Variants in CSMD1 observed in about 807,000 individuals in gnomAD.
The protein encoded by CSMD1 is CUB and sushi domain-containing protein 1.
Under a neutral mutation model 417.5 loss-of-function variants are expected in CSMD1, and 213 were observed. The ratio of observed to expected loss-of-function variants is 0.51; its 90% CI spans 0.46 to 0.57. The LOEUF (loss-of-function observed/expected upper bound fraction) is 0.57, where lower values mean the gene tolerates loss of function less well. Ranked by LOEUF, CSMD1 falls within the 20% of genes least tolerant of loss-of-function variation. The pLI, the probability that CSMD1 is intolerant of heterozygous loss-of-function variation, is 0.00. For synonymous variants in CSMD1, 2,862 were observed against 1,736.8 expected (o/e 1.65, Z -16.11); for missense variants, 6,923 against 4,529.7 (o/e 1.53, Z -15.17).
At chr8:3,885,737 C>A (rs1806519658) in intron 5 of CSMD1, among the ~76,000 whole-genome samples, 2 of 152,110 alleles carry the variant, frequency 1.3e-5, no homozygotes, top group Admixed American at 1.3e-4. Context: ...AATATCAGCC[C>A]CTTCTCCATC....
intron 3 of CSMD1, among the ~76,000 whole-genome samples, chr8:4,113,133 C>T (rs542150758): frequency 2.8e-4 from 42 of 152,112 alleles, no homozygotes; most frequent in Admixed American, 4.6e-4. Context: ...CACTCATCAG[C>T]TGTTCTTTAT....
At chr8:3,217,047 C>A (rs777571916) in intron 29 of CSMD1, among the ~76,000 whole-genome samples, 3 of 151,918 alleles carry the variant, frequency 2.0e-5, no homozygotes, top group Non-Finnish European at 4.4e-5. Context: ...CATCACTGCC[C>A]TAGGCTGCAT....
chr8:4,237,693 T>C (rs1320780177), intron 3 of CSMD1, among the ~76,000 whole-genome samples: 3 of 152,136 alleles, frequency 2.0e-5, no homozygotes, highest in Non-Finnish European at 2.9e-5. Context: ...TTTTACTTTT[T>C]GTAGAGACAT....
At chr8:4,356,119 C>A (rs923279201) in intron 3 of CSMD1, among the ~76,000 whole-genome samples, 1 of 152,148 alleles carries the variant, frequency 6.6e-6, no homozygotes, top group Non-Finnish European at 1.5e-5. Flanking sequence ...CTAGTCTTCC[C>A]CTCAAGTTCC....
At chr8:4,471,269 A>C (rs1256649466) in intron 2 of CSMD1, among the ~76,000 whole-genome samples, 1 of 152,214 alleles carries the variant, frequency 6.6e-6, no homozygotes, top group East Asian at 1.9e-4. Flanking sequence ...AAAAATCAGG[A>C]ACAATAAATT....
Position 3,342,854 on chromosome 8 carries a change from TGTGC to T in CSMD1, c.3631+436_3631+439del, listed in dbSNP as rs1167420210. On this transcript the variant is annotated intron_variant, in intron 23 of 69. Transcript: ENST00000635120. ...ATATTATGTAGTTGTTGTGTGTGTGTGTGCTTATACATATATATGATTAAATGTA... is the reference window on the plus strand; with the variant it reads ...ATATTATGTAGTTGTTGTGTGTGTGTTTATACATATATATGATTAAATGTA... 2.9e-5 allele frequency among the ~76,000 whole-genome samples: 4 copies of T among 139,160 alleles called. No homozygotes were observed. The Admixed American group carries it at 3.0e-4, about 10-fold the overall frequency. 91.3% of individuals were successfully genotyped at this position (139,160 alleles called of 152,430 possible).
chr8:3,781,913 C>A (rs988807734), intron 5 of CSMD1, among the ~76,000 whole-genome samples: 1 of 151,920 alleles, frequency 6.6e-6, no homozygotes, highest in Non-Finnish European at 1.5e-5. Flanking sequence ...TTGGTAGACC[C>A]ATTTAATAAG....
chr8:3,955,525 T>A (rs1811882799), intron 5 of CSMD1, among the ~76,000 whole-genome samples: 1 of 152,200 alleles, frequency 6.6e-6, no homozygotes, highest in South Asian at 2.1e-4. Flanking sequence ...CAACCTCTAA[T>A]AAGTCAGTAG....
At chr8:4,663,546 C>G (rs1417153722) in intron 1 of CSMD1, among the ~76,000 whole-genome samples, 1 of 152,158 alleles carries the variant, frequency 6.6e-6, no homozygotes, top group African/African-American at 2.4e-5. Flanking sequence ...TGAGTTCTCA[C>G]AAGACCTGGC....
chr8:3,398,549 T>C (rs1473734344), intron 16 of CSMD1, among the ~76,000 whole-genome samples: 1 of 152,156 alleles, frequency 6.6e-6, no homozygotes, highest in African/African-American at 2.4e-5. Context: ...TACAATGAAG[T>C]TCATCTATCT....
intron 3 of CSMD1, among the ~76,000 whole-genome samples, chr8:4,273,353 G>C (rs978616655): frequency 5.3e-5 from 8 of 151,966 alleles, no homozygotes; most frequent in South Asian, 2.1e-4. Context: ...TCATATTTAC[G>C]GGTAATTCGA....
intron 1 of CSMD1, among the ~76,000 whole-genome samples, chr8:4,811,158 C>A (rs541029198): frequency 6.6e-6 from 1 of 152,264 alleles, no homozygotes; most frequent in East Asian, 1.9e-4. Context: ...GCTGTAGTGG[C>A]ATCAACCATC....
At chr8:3,436,844 G>C (rs921209983) in intron 12 of CSMD1, among the ~76,000 whole-genome samples, 1 of 152,084 alleles carries the variant, frequency 6.6e-6, no homozygotes, top group Non-Finnish European at 1.5e-5. Context: ...ATGCTAATAT[G>C]TTATGATTCG....
At chr8:4,719,979 A>G (rs1399809095) in intron 1 of CSMD1, among the ~76,000 whole-genome samples, 2 of 152,078 alleles carry the variant, frequency 1.3e-5, no homozygotes, top group Non-Finnish European at 1.5e-5. Flanking sequence ...CATTTTACCT[A>G]CAAAATAATC....
At position 4,174,867 on chromosome 8, in the gene CSMD1, G is replaced by A. The variant is rs879669538; in HGVS notation, c.416-142768C>T. 6.7e-5 allele frequency among the ~76,000 whole-genome samples: 10 copies of A among 148,576 alleles called. No homozygotes were observed. In the Admixed American group the frequency reaches 6.7e-4, roughly 10 times the overall value. On this transcript the variant is annotated intron_variant, in intron 3 of 69. Coordinates refer to ENST00000635120, the MANE Select transcript of CSMD1 (RefSeq NM_033225.6). The stretch of plus-strand genomic sequence containing the variant: ...GCCTCAAAATTTCAGATAAAATATT[G>A]ATGTTAATGTACACTAGACATCTCA...
chr8:4,075,362 AT>A (rs772648060), intron 3 of CSMD1, among the ~76,000 whole-genome samples: 64 of 151,582 alleles, frequency 4.2e-4, no homozygotes, highest in Middle Eastern at 3.4e-3. Flanking sequence ...GAAGTGCTGA[AT>A]TTTTTTTTGA....
chr8:4,152,673 G>A (rs142678346), intron 3 of CSMD1, among the ~76,000 whole-genome samples: 2 of 151,782 alleles, frequency 1.3e-5, no homozygotes, highest in Non-Finnish European at 2.9e-5. Flanking sequence ...CCAAGCAACA[G>A]AGCGAGACCT....
rs1008781655 is a variant in CSMD1, at chr8:4,143,214, C to T, written c.416-111115G>A. On this transcript the variant is annotated intron_variant, in intron 3 of 69. Coordinates refer to ENST00000635120, the MANE Select transcript of CSMD1 (RefSeq NM_033225.6). ...TGAGAATGTTTCCCTGTCCACAGAA[C>T]GGTGTGGTCTAAACCCTCTTATAGG... Among the ~76,000 whole-genome samples the T allele has an allele frequency of 7.3e-5, 11 of 151,160 alleles. 2 individuals are homozygous for T. Among genetic ancestry groups the T allele is most frequent in the African/African-American group, 2.7e-4 (11 of 40,464 alleles).
intron 23 of CSMD1, among the ~76,000 whole-genome samples, chr8:3,339,706 C>A (rs992566853): frequency 6.6e-6 from 1 of 152,222 alleles, no homozygotes. Context: ...TCAGTGTCAC[C>A]AGGGAATACA....
Sources: gnomAD v4.1 joint callset for allele counts (sites outside exome capture counted in the v4.1 genomes callset) on GRCh38, gnomAD v4.1.1 for gene constraint, MANE v1.5 for transcripts, NCBI Gene and HGNC (gene_info 2026-07-23, HGNC 2026-07-21) for gene names.